Variants in FAM83D observed in about 807,000 individuals in gnomAD.
The protein encoded by FAM83D is scaffolding CK1 anchoring protein D.
In FAM83D, 26 loss-of-function variants were observed where a neutral mutation model predicts 25.4. That is an observed-to-expected ratio of 1.02 (90% CI 0.75 to 1.42). FAM83D has a LOEUF of 1.42. Among genes scored for constraint, FAM83D ranks in the 40% most tolerant of loss-of-function variants. The pLI, the probability that FAM83D is intolerant of heterozygous loss-of-function variation, is 0.00. For missense variants in FAM83D, 740 were observed against 758.1 expected, an observed-to-expected ratio of 0.98 and a Z score of 0.28; for synonymous variants, 310 against 318.5, an observed-to-expected ratio of 0.97 and a Z score of 0.28.
At chr20:38,929,709 T>C (rs1306039923) in intron 1 of FAM83D, among the ~76,000 whole-genome samples, 2 of 151,496 alleles carry the variant, frequency 1.3e-5, no homozygotes, top group Non-Finnish European at 2.9e-5. Context: ...GCCCAGGAGT[T>C]TGAGGCTGTA....
intron 1 of FAM83D, among the ~76,000 whole-genome samples, chr20:38,928,107 C>T (rs1198111141): frequency 6.6e-6 from 1 of 152,196 alleles, no homozygotes; most frequent in Non-Finnish European, 1.5e-5. Context: ...TGGCAGACAC[C>T]TTGGTCTGGA....
chr20:38,935,214 A>G lies in FAM83D; in HGVS notation c.484-6745A>G, dbSNP rs2085673820. Among the ~76,000 whole-genome samples, 3 of 152,322 alleles carry G rather than the reference A, an allele frequency of 2.0e-5. 1 individual carries two copies. In the South Asian group the frequency reaches 6.2e-4, roughly 32 times the overall value. On this transcript the variant is annotated intron_variant, in intron 1 of 3. Coordinates refer to ENST00000619850, the MANE Select transcript of FAM83D (RefSeq NM_030919.3). ...AACTAGGCAAATGTTTTACATACTT[A>G]TAAAATAAAAACAATTCAAAATGAT...
In FAM83D at chr20:38,930,236, G is replaced by A. The variant is rs139693876; in HGVS notation, c.483+3311G>A. On this transcript the variant is annotated intron_variant, in intron 1 of 3. Transcript: ENST00000619850. ...GCTGTTCTGCATCCGTGTTCTGATA[G>A]CAAAGGTACCTAATGGTGATATGAT... 3.0e-4 allele frequency among the ~76,000 whole-genome samples: 46 copies of A among 152,328 alleles called. No individual in the cohort carries two copies. The East Asian group carries it at 8.5e-3, about 28-fold the overall frequency.
At chr20:38,938,864 T>G (rs2085689666) in intron 1 of FAM83D, among the ~76,000 whole-genome samples, 1 of 152,224 alleles carries the variant, frequency 6.6e-6, no homozygotes, top group Admixed American at 6.5e-5. Flanking sequence ...ACGTGACTGC[T>G]GTGTTGCAGG....
chr20:38,952,439 C>T lies in FAM83D; in HGVS notation c.1677C>T (p.His559=). 6.2e-7 allele frequency: 1 copy of T among 1,614,198 alleles called. No individual in the cohort carries two copies. Among genetic ancestry groups the T allele is most frequent in the Non-Finnish European group, 8.5e-7 (1 of 1,180,036 alleles). The change falls in exon 4 of 4, where the codon CAC becomes CAT. Residue 559 remains histidine, a synonymous_variant. Transcript: ENST00000619850. ...GGAGAACACTCTTTACTGAAAACCACCTTGGCCTTCATTCTGGCAATTTCA... is the reference window on the plus strand; with the variant it reads ...GGAGAACACTCTTTACTGAAAACCATCTTGGCCTTCATTCTGGCAATTTCA... ...LSRRTLFTEN[H]LGLHSGNFSR...
At chr20:38,950,833 G>GTCTCGCCCAGTCATGGAA (rs1467925618) in intron 3 of FAM83D, among the ~76,000 whole-genome samples, 1 of 150,778 alleles carries the variant, frequency 6.6e-6, no homozygotes, top group African/African-American at 2.5e-5. Flanking sequence ...TTGAGATGGA[G>GTCTCGCCCAGTCATGGAA]TCTCGCCCAG....
In FAM83D at chr20:38,952,397, G is replaced by A. The variant is rs760963857; in HGVS notation, c.1635G>A (p.Met545Ile). The A allele has an allele frequency of 9.3e-6, 15 of 1,614,096 alleles. No individual in the cohort carries two copies. Among genetic ancestry groups the A allele is most frequent in the Non-Finnish European group, 1.2e-5 (14 of 1,180,052 alleles). The change falls in exon 4 of 4, where the codon ATG becomes ATA. Residue 545 changes from methionine (M) to isoleucine (I), a missense_variant. Met to Ile is a conservative substitution (Grantham distance 10). This residue lies in a region of FAM83D where 375 missense variants were observed against 403.2 expected (regional missense o/e 0.93). Transcript: ENST00000619850. ...GTATCAGGTCCCGGCTCAACCACAT[G>A]CTGGCTATGCTGTCAAGGAGAACAC... ...FAGIRSRLNH[M>I]LAMLSRRTLF...
At position 38,941,770 on chromosome 20, in the gene FAM83D, C is replaced by T. The variant is rs183510288; in HGVS notation, c.484-189C>T. Among the ~76,000 whole-genome samples the T allele has an allele frequency of 1.5e-3, 229 of 152,050 alleles. 5 individuals are homozygous for T. Among genetic ancestry groups the T allele is most frequent in the Admixed American group, 0.011 (175 of 15,266 alleles). On this transcript the variant is annotated intron_variant, in intron 1 of 3. Coordinates refer to ENST00000619850, the MANE Select transcript of FAM83D (RefSeq NM_030919.3). ...AAGTCAAGATTTCTAGGACACGGGG[C>T]CCAAGTGTCTTTGGAGATGCAAAAG...
chr20:38,926,807 A>C lies in FAM83D; in HGVS notation c.365A>C (p.Gln122Pro), dbSNP rs775279847. Residue 122 changes from glutamine to proline, a missense_variant, in exon 1 of 4, where the codon CAG (glutamine) becomes CCG (proline). Gln to Pro is a moderately conservative substitution (Grantham distance 76). Transcript: ENST00000619850. ...LLELGWPAFY[Q>P]GAYRGATRVE... ...GAGCTTGGCTGGCCCGCCTTCTACCAGGGCGCCTACCGCGGCGCCACGCGT... is the reference window on the plus strand; with the variant it reads ...GAGCTTGGCTGGCCCGCCTTCTACCCGGGCGCCTACCGCGGCGCCACGCGT... The C allele has an allele frequency of 1.3e-6, 2 of 1,541,170 alleles. No homozygotes were observed. Among genetic ancestry groups the C allele is most frequent in the South Asian group, 2.4e-5 (2 of 84,606 alleles).
In FAM83D at chr20:38,926,697, G is replaced by T. The variant is rs1250381256; in HGVS notation, c.255G>T (p.Ala85=). ...AGGAGGGCGCGGCGGCGGCGGCGGC[G>T]GCCGAGGACTCGTTCGGCTCCTCGC... ...PGEEGAAAAA[A]AEDSFGSSHD... Residue 85 remains alanine (A), a synonymous_variant, in exon 1 of 4, where the codon GCG becomes GCT. Coordinates refer to ENST00000619850, the MANE Select transcript of FAM83D (RefSeq NM_030919.3). 6.6e-7 allele frequency: 1 copy of T among 1,518,964 alleles called. No individual in the cohort carries two copies. Among genetic ancestry groups the T allele is most frequent in the East Asian group, 2.5e-5 (1 of 39,488 alleles). 94.1% of individuals were successfully genotyped at this position (1,518,964 alleles called of 1,614,324 possible).
At chr20:38,946,581 A>G (rs927681210) in intron 2 of FAM83D, among the ~76,000 whole-genome samples, 5 of 152,160 alleles carry the variant, frequency 3.3e-5, no homozygotes, top group African/African-American at 4.8e-5. Flanking sequence ...ATATAGTCAC[A>G]TCACTCCCCT....
In FAM83D at chr20:38,952,120, C is replaced by G; in HGVS notation, c.1358C>G (p.Pro453Arg). The G allele has an allele frequency of 6.2e-7, 1 of 1,614,222 alleles. No individual in the cohort carries two copies. The highest frequency in any genetic ancestry group is 8.5e-7 in the Non-Finnish European group (1 of 1,180,044). Residue 453 changes from proline (P) to arginine (R), a missense_variant, in exon 4 of 4, where the codon CCT becomes CGT. Coordinates refer to ENST00000619850, the MANE Select transcript of FAM83D (RefSeq NM_030919.3). The stretch of plus-strand genomic sequence containing the variant: ...GACATGGATGAGAACATTCTCTTTC[C>G]TCGAGGAACTCAATCTACAGAAGGG... ...QTDMDENILF[P>R]RGTQSTEGSP... is the part of the protein sequence containing the mutation.
chr20:38,929,203 A>G (rs1341154063), intron 1 of FAM83D, among the ~76,000 whole-genome samples: 5 of 151,596 alleles, frequency 3.3e-5, no homozygotes, highest in African/African-American at 2.4e-5. Flanking sequence ...AAAAAATCCA[A>G]TGAGTATTTT....
In FAM83D at chr20:38,947,858, C is replaced by T; in HGVS notation, c.652-18C>T. 6.2e-7 allele frequency: 1 copy of T among 1,612,900 alleles called. No individual in the cohort carries two copies. The highest frequency in any genetic ancestry group is 8.5e-7 in the Non-Finnish European group (1 of 1,179,322). ...TGCTGAATTGTTCATTTATATTTCT[C>T]CCACTCCCTGCCAACAGTTAATGAC... On this transcript the variant is annotated intron_variant, in intron 2 of 3. Transcript: ENST00000619850.
At chr20:38,945,104 C>T (rs1381637237) in intron 2 of FAM83D, among the ~76,000 whole-genome samples, 1 of 152,068 alleles carries the variant, frequency 6.6e-6, no homozygotes, top group African/African-American at 2.4e-5. Flanking sequence ...CATGCTCTGC[C>T]TCTGTAGCTG....
At chr20:38,934,997 C>T (rs1230558691) in intron 1 of FAM83D, among the ~76,000 whole-genome samples, 1 of 152,020 alleles carries the variant, frequency 6.6e-6, no homozygotes, top group Non-Finnish European at 1.5e-5. Context: ...AGCACATATA[C>T]ATAGTTATAT....
At chr20:38,949,178 T>C (rs1413466712) in intron 3 of FAM83D, among the ~76,000 whole-genome samples, 1 of 151,770 alleles carries the variant, frequency 6.6e-6, no homozygotes, top group Non-Finnish European at 1.5e-5. Flanking sequence ...TTTTTTTTTT[T>C]CGTGATGGAG....
intron 3 of FAM83D, among the ~76,000 whole-genome samples, chr20:38,949,887 G>A (rs567274742): frequency 2.6e-5 from 4 of 152,264 alleles, no homozygotes; most frequent in East Asian, 3.9e-4. Flanking sequence ...GGACGATCTC[G>A]GCTCACTGCC....
chr20:38,941,142 T>C (rs1298941580), intron 1 of FAM83D, among the ~76,000 whole-genome samples: 3 of 152,148 alleles, frequency 2.0e-5, no homozygotes. Context: ...CCTTAGGAAA[T>C]ATTTCCCTGT....
Sources: gnomAD v4.1 joint callset for allele counts (sites outside exome capture counted in the v4.1 genomes callset) on GRCh38, gnomAD v4.1.1 for gene constraint, gnomAD v4.1.1 regional missense constraint, MANE v1.5 for transcripts, NCBI Gene and HGNC (gene_info 2026-07-23, HGNC 2026-07-21) for gene names.